Variants in FCGR2A observed in about 807,000 individuals in gnomAD.
FCGR2A encodes low affinity immunoglobulin gamma Fc region receptor II-a.
In FCGR2A, 18 loss-of-function variants were observed where a neutral mutation model predicts 29.3. The observed-to-expected ratio is 0.62, with a 90% CI of 0.43 to 0.91. The LOEUF (loss-of-function observed/expected upper bound fraction) is 0.91, where lower values mean the gene tolerates loss of function less well. FCGR2A is among the 40% of genes least tolerant of loss of function. The pLI, the probability that FCGR2A is intolerant of heterozygous loss-of-function variation, is 0.00. For synonymous variants in FCGR2A, 126 were observed against 144.8 expected, an observed-to-expected ratio of 0.87 and a Z score of 0.93; for missense variants, 287 against 393.0, an observed-to-expected ratio of 0.73 and a Z score of 2.28.
At chr1:161,507,056 G>C (rs1165938216) in intron 3 of FCGR2A, among the ~76,000 whole-genome samples, 1 of 152,084 alleles carries the variant, frequency 6.6e-6, no homozygotes, top group African/African-American at 2.4e-5. Flanking sequence ...GAGGGTGAAG[G>C]GTAGATCAGG....
At chr1:161,523,942 A>G (rs375569279), downstream of FCGR2A, 1 of 152,558 alleles carries the variant, frequency 6.6e-6, no homozygotes, top group Non-Finnish European at 1.5e-5. Context: ...GACCTGCAGT[A>G]TTGTCTCTTA....
intron 5 of FCGR2A, chr1:161,513,158 G>A (rs1168593060): frequency 1.3e-5 from 2 of 150,462 alleles, no homozygotes; most frequent in African/African-American, 2.5e-5. Context: ...GATGTCTCCC[G>A]ACTTCCTGAG....
chr1:161,509,712 C>G, intron 3 of FCGR2A, 108 bp from the exon 4 acceptor site: 1 of 1,401,626 alleles, frequency 7.1e-7, no homozygotes, highest in Non-Finnish European at 9.9e-7. Flanking sequence ...ATCTTCATTT[C>G]TGTCTGCCAG....
Position 161,506,336 on chromosome 1 carries a change from G to T in FCGR2A, c.109G>T (p.Ala37Ser). 6.2e-7 allele frequency: 1 copy of T among 1,614,162 alleles called. No individual in the cohort carries two copies. The highest frequency in any genetic ancestry group is 8.5e-7 in the Non-Finnish European group (1 of 1,180,028). Residue 37 changes from alanine (A) to serine (S), a missense_variant and splice_region_variant, in exon 3 of 7, where the codon GCT becomes TCT. By Grantham distance (99) the Ala-to-Ser change is moderately conservative. Coordinates refer to ENST00000271450, the MANE Select transcript of FCGR2A (RefSeq NM_001136219.3). ...LLASADSQAA[A>S]PPKAVLKLEP... is the part of the protein sequence containing the mutation. ...CCCCTTTCCACTCTGCCCCTCAGCAGCTCCCCCAAAGGCTGTGCTGAAACT... is the reference window on the plus strand; with the variant it reads ...CCCCTTTCCACTCTGCCCCTCAGCATCTCCCCCAAAGGCTGTGCTGAAACT...
At chr1:161,522,023 G>A (rs1303941112), downstream of FCGR2A, among the ~76,000 whole-genome samples, 1 of 151,940 alleles carries the variant, frequency 6.6e-6, no homozygotes, top group Non-Finnish European at 1.5e-5. Context: ...AACATAAGTG[G>A]ATATATTTAA....
At chr1:161,515,929 G>A (rs1402356327) in intron 6 of FCGR2A, among the ~76,000 whole-genome samples, 2 of 152,102 alleles carry the variant, frequency 1.3e-5, no homozygotes, top group Non-Finnish European at 2.9e-5. Context: ...AGTATTAAAG[G>A]AGCTCAACTG....
intron 3 of FCGR2A, among the ~76,000 whole-genome samples, chr1:161,508,736 C>T (rs998091698): frequency 1.1e-4 from 16 of 151,750 alleles, no homozygotes; most frequent in African/African-American, 3.4e-4. Context: ...ATTTGTCCTC[C>T]GAGGTAGCTG....
chr1:161,515,344 A>T (rs1676084066), intron 6 of FCGR2A, among the ~76,000 whole-genome samples: 1 of 152,252 alleles, frequency 6.6e-6, no homozygotes, highest in African/African-American at 2.4e-5. Context: ...ATGAGCCAGG[A>T]GTATCTACAA....
chr1:161,506,564 G>A lies in FCGR2A; in HGVS notation c.337G>A (p.Asp113Asn), dbSNP rs1239990850. 1.1e-5 allele frequency: 17 copies of A among 1,614,040 alleles called. No individual in the cohort carries two copies. Among genetic ancestry groups the A allele is most frequent in the Admixed American group, 1.7e-5 (1 of 60,010 alleles). The change falls in exon 3 of 7, where the codon GAC (aspartate) becomes AAC (asparagine). Residue 113 changes from aspartate to asparagine, a missense_variant. This residue lies in a region of FCGR2A where 181 missense variants were observed against 250.9 expected (regional missense o/e 0.72). Coordinates refer to ENST00000271450, the MANE Select transcript of FCGR2A (RefSeq NM_001136219.3). Reference protein sequence around the residue: ...TCQTGQTSLSDPVHLTVLSEW... With the variant: ...TCQTGQTSLSNPVHLTVLSEW... ...CCAGACTGGCCAGACCAGCCTCAGC[G>A]ACCCTGTGCATCTGACTGTGCTTTC...
chr1:161,505,847 G>T (rs1305595137), intron 1 of FCGR2A, 140 bp from the exon 2 acceptor site: 156 of 841,658 alleles, frequency 1.9e-4, no homozygotes, highest in South Asian at 6.7e-4. Context: ...TTTTATAAAA[G>T]ATCAACTGGA....
At chr1:161,516,382 C>T (rs2102485866) in intron 6 of FCGR2A, among the ~76,000 whole-genome samples, 1 of 152,116 alleles carries the variant, frequency 6.6e-6, no homozygotes, top group African/African-American at 2.4e-5. Context: ...AGAATCTATT[C>T]TCCTTGTAAC....
downstream of FCGR2A, among the ~76,000 whole-genome samples, chr1:161,521,566 C>T (rs1443770745): frequency 6.6e-6 from 1 of 151,710 alleles, no homozygotes; most frequent in Admixed American, 6.6e-5. Context: ...TGGCTGTGTC[C>T]CCACCCGAAT....
chr1:161,516,081 C>T (rs1676129233), intron 6 of FCGR2A, among the ~76,000 whole-genome samples: 1 of 151,970 alleles, frequency 6.6e-6, no homozygotes, highest in African/African-American at 2.4e-5. Flanking sequence ...GAATATTCCA[C>T]CTAGTTTTAC....
rs931471750 is a variant in FCGR2A at position 161,514,059 on chromosome 1, G to C, written c.780+127G>C. The C allele has an allele frequency of 5.7e-5, 74 of 1,295,064 alleles. No individual in the cohort carries two copies. The African/African-American group carries it at 9.4e-4, about 16-fold the overall frequency. The allele number at this position is 1,295,064 out of a possible 1,614,324, so 80.2% of individuals were successfully genotyped here. On this transcript the variant is annotated intron_variant, in intron 6 of 6. Transcript: ENST00000271450. The stretch of plus-strand genomic sequence containing the variant: ...GCCTGAAAACTCCTGAGCAAACAAA[G>C]CCACCCAGGCCTTAGAAATAGCCTT...
chr1:161,509,564 AG>A (rs1369976066), intron 3 of FCGR2A, among the ~76,000 whole-genome samples: 1 of 152,228 alleles, frequency 6.6e-6, no homozygotes, highest in African/African-American at 2.4e-5. Context: ...ACTCAAACGT[AG>A]TATTTTAAAT....
chr1:161,509,763 G>A (rs1472047983), intron 3 of FCGR2A, 57 bp from the exon 4 acceptor site: 1 of 1,605,194 alleles, frequency 6.2e-7, no homozygotes, highest in Non-Finnish European at 8.5e-7. Context: ...CTCTGAGACT[G>A]AAAAACCCTT....
chr1:161,513,772 C>G (rs1366856627), intron 5 of FCGR2A, 123 bp from the exon 6 acceptor site: 9 of 1,412,528 alleles, frequency 6.4e-6, no homozygotes, highest in African/African-American at 1.4e-5. Context: ...CCTTACAGGA[C>G]TGTGTCAAGG....
At chr1:161,507,613 A>G (rs543510519) in intron 3 of FCGR2A, among the ~76,000 whole-genome samples, 6 of 152,214 alleles carry the variant, frequency 3.9e-5, no homozygotes, top group Non-Finnish European at 7.3e-5. Flanking sequence ...CTGCTGTACC[A>G]GAGAGATCCT....
chr1:161,522,992 T>A (rs1676513449), downstream of FCGR2A: 1 of 151,966 alleles, frequency 6.6e-6, no homozygotes, highest in Non-Finnish European at 1.5e-5. Context: ...GGAGTAAGGG[T>A]TTTTAGTTTC....
Sources: allele counts gnomAD v4.1 joint callset (sites outside exome capture counted in the v4.1 genomes callset), GRCh38; gene constraint gnomAD v4.1.1; regional missense constraint gnomAD v4.1.1; transcripts MANE v1.5; gene names NCBI Gene and HGNC (gene_info 2026-07-23, HGNC 2026-07-21).